NRAP: variants seen among roughly 807,000 people sequenced by gnomAD.
The protein encoded by NRAP is nebulin-related-anchoring protein.
A neutral mutation model predicts 225.9 loss-of-function variants in NRAP; 189 were observed. The observed-to-expected ratio is 0.84, with a 90% CI of 0.74 to 0.94. NRAP has a LOEUF of 0.94. Ranked by LOEUF, NRAP falls within the 40% of genes least tolerant of loss-of-function variation. NRAP has a pLI of 0.00. For synonymous variants in NRAP, 769 were observed against 790.7 expected (o/e 0.97, Z 0.46); for missense variants, 2,176 against 2,168.7 (o/e 1.00, Z -0.07).
intron 30 of NRAP, among the ~76,000 whole-genome samples, chr10:113,611,295 G>A (rs1435897244): frequency 6.6e-6 from 1 of 152,106 alleles, no homozygotes; most frequent in African/African-American, 2.4e-5. Flanking sequence ...CTGTACACAG[G>A]CGTAAAATCC....
At chr10:113,629,847 G>T in intron 18 of NRAP, 62 bp from the exon 19 acceptor site, 2 of 1,168,434 alleles carry the variant, frequency 1.7e-6, no homozygotes, top group Non-Finnish European at 2.6e-6. Flanking sequence ...CAGGAGTGAT[G>T]TGAAAATGCA....
At chr10:113,609,814 G>A (rs1298945491) in intron 31 of NRAP, among the ~76,000 whole-genome samples, 1 of 152,138 alleles carries the variant, frequency 6.6e-6, no homozygotes, top group Non-Finnish European at 1.5e-5. Flanking sequence ...AGGCTGCTTT[G>A]TTTGCATTGT....
chr10:113,590,550 C>A, intron 40 of NRAP, 28 bp downstream of exon 40: 2 of 1,598,440 alleles, frequency 1.3e-6, no homozygotes, highest in South Asian at 1.1e-5. Context: ...GGGGAAGGGC[C>A]TCAAGGGAGT....
chr10:113,606,789 C>G (rs1265843832), intron 32 of NRAP, among the ~76,000 whole-genome samples: 2 of 152,176 alleles, frequency 1.3e-5, no homozygotes, highest in Non-Finnish European at 2.9e-5. Flanking sequence ...GTCTATGAGC[C>G]AGGCGTGGTG....
chr10:113,646,937 C>A lies in NRAP; in HGVS notation c.979G>T (p.Glu327Ter), dbSNP rs1338887175. 6.2e-7 allele frequency: 1 copy of A among 1,612,986 alleles called. No homozygotes were observed. Among genetic ancestry groups the A allele is most frequent in the African/African-American group, 1.3e-5 (1 of 74,898 alleles). Reference protein sequence around the residue: ...PAYQNAKKAHELASDIKYRQD... With the variant: ...PAYQNAKKAH ...ATGGTACTTACGTCACTAGCGAGTT[C>A]GTGAGCTTTCTTGGCGTTCTGATAT... The change falls in exon 10 of 42, where the codon GAA (glutamate) becomes TAA (stop). Residue 327 changes from glutamate to a stop codon, truncating the protein, a stop_gained. Coordinates refer to ENST00000359988, the MANE Select transcript of NRAP (RefSeq NM_198060.4). LOFTEE classifies it high-confidence loss of function.
At chr10:113,614,415 A>C in intron 28 of NRAP, 119 bp from the exon 29 acceptor site, 1 of 734,414 alleles carries the variant, frequency 1.4e-6, no homozygotes, top group South Asian at 1.6e-5. Flanking sequence ...GAGTTAAAAG[A>C]AAATGCGCGG....
chr10:113,648,749 C>T (rs1428945256), intron 9 of NRAP, among the ~76,000 whole-genome samples: 1 of 152,120 alleles, frequency 6.6e-6, no homozygotes, highest in Non-Finnish European at 1.5e-5. Context: ...TGCTATCAAA[C>T]AACACTCACT....
intron 37 of NRAP, 127 bp from the exon 38 acceptor site, chr10:113,595,854 T>C (rs531269027): frequency 1.7e-6 from 1 of 592,056 alleles, no homozygotes; most frequent in Non-Finnish European, 3.0e-6. Flanking sequence ...AACCCAGTCC[T>C]GCCCATGGAC....
At chr10:113,621,173 G>C (rs558404425) in intron 24 of NRAP, among the ~76,000 whole-genome samples, 22 of 152,338 alleles carry the variant, frequency 1.4e-4, no homozygotes, top group East Asian at 5.8e-4. Context: ...CACCTCAGTG[G>C]GGGGGCAGGG....
At chr10:113,619,709 G>A (rs942628217) in intron 25 of NRAP, among the ~76,000 whole-genome samples, 1 of 151,500 alleles carries the variant, frequency 6.6e-6, no homozygotes, top group African/African-American at 2.4e-5. Flanking sequence ...ACCCAGAAAA[G>A]TCCAGAAAGA....
At position 113,598,048 on chromosome 10, in the gene NRAP, CCGATCAGGTCTGACTT is replaced by C; in HGVS notation, c.4237_4252del (p.Lys1413AlafsTer2). The stretch of plus-strand genomic sequence containing the variant: ...CGCCAGCCATCCTATGCCCTTCATG[CCGATCAGGTCTGACTT>C]GTAGCGCAACTGCAGGGAAAAAAAT... On this transcript the variant is annotated frameshift_variant, in exon 36 of 42. Transcript: ENST00000359988. LOFTEE classifies it high-confidence loss of function. The C allele has an allele frequency of 1.2e-6, 2 of 1,613,582 alleles. No homozygotes were observed. Among genetic ancestry groups the C allele is most frequent in the Non-Finnish European group, 1.7e-6 (2 of 1,179,776 alleles).
intron 14 of NRAP, among the ~76,000 whole-genome samples, chr10:113,637,441 G>A (rs905613021): frequency 6.6e-6 from 1 of 152,226 alleles, no homozygotes; most frequent in South Asian, 2.1e-4. Context: ...AGTGTGCTTA[G>A]AGCGATTATT....
chr10:113,630,319 GTGA>G (rs894242260), intron 18 of NRAP, among the ~76,000 whole-genome samples: 25 of 152,304 alleles, frequency 1.6e-4, no homozygotes, highest in Non-Finnish European at 3.2e-4. Context: ...TGGTTCGGTG[GTGA>G]TGATGATGAT....
At chr10:113,657,764 A>G (rs1850395361) in intron 3 of NRAP, among the ~76,000 whole-genome samples, 190 bp from the exon 4 acceptor site, 1 of 152,226 alleles carries the variant, frequency 6.6e-6, no homozygotes, top group South Asian at 2.1e-4. Context: ...GGTGGCACAT[A>G]TAGAGCACCT....
At chr10:113,605,057 C>T in intron 34 of NRAP, 137 bp from the exon 35 acceptor site, 1 of 825,084 alleles carries the variant, frequency 1.2e-6, no homozygotes, top group African/African-American at 1.7e-5. Flanking sequence ...GTGTGCCTTC[C>T]TCCCTGGGGG....
intron 12 of NRAP, among the ~76,000 whole-genome samples, 189 bp downstream of exon 12, chr10:113,642,745 G>A (rs568883212): frequency 2.4e-4 from 37 of 152,356 alleles, no homozygotes; most frequent in African/African-American, 8.7e-4. Flanking sequence ...GATTGGGGAT[G>A]TGACAGAATT....
intron 13 of NRAP, among the ~76,000 whole-genome samples, chr10:113,640,567 A>C (rs1296584833): frequency 6.6e-6 from 1 of 152,204 alleles, no homozygotes; most frequent in Non-Finnish European, 1.5e-5. Flanking sequence ...TTTCATATTA[A>C]TTATGAAGCT....
chr10:113,652,058 C>G (rs1291026465), intron 6 of NRAP, 151 bp from the exon 7 acceptor site: 9 of 671,772 alleles, frequency 1.3e-5, no homozygotes, highest in Non-Finnish European at 1.9e-5. Flanking sequence ...GGCTCCTCCT[C>G]AAAAAGCATC....
chr10:113,636,386 C>T (rs1421909602), intron 14 of NRAP, among the ~76,000 whole-genome samples: 1 of 152,196 alleles, frequency 6.6e-6, no homozygotes, highest in Non-Finnish European at 1.5e-5. Flanking sequence ...CTCCTATCTG[C>T]TGCTAACTCC....
Sources: gnomAD v4.1 joint callset for allele counts (sites outside exome capture counted in the v4.1 genomes callset) on GRCh38, gnomAD v4.1.1 for gene constraint, MANE v1.5 for transcripts, NCBI Gene and HGNC (gene_info 2026-07-23, HGNC 2026-07-21) for gene names.